Variants in MORN1 observed in about 807,000 individuals in gnomAD.
The protein encoded by MORN1 is MORN repeat-containing protein 1.
A neutral mutation model predicts 61.9 loss-of-function variants in MORN1; 67 were observed. That is an observed-to-expected ratio of 1.08 (90% confidence interval 0.89 to 1.33). The LOEUF (loss-of-function observed/expected upper bound fraction) is 1.33, where lower values mean the gene tolerates loss of function less well. Among genes scored for constraint, MORN1 ranks in the 40% most tolerant of loss-of-function variants. The pLI, the probability that MORN1 is intolerant of heterozygous loss-of-function variation, is 0.00. For missense variants in MORN1, 752 were observed against 691.2 expected (o/e 1.09, Z -0.99); for synonymous variants, 301 against 292.0 (o/e 1.03, Z -0.31).
At chr1:2,376,580 T>C (rs1025194870) in intron 6 of MORN1, 1 of 152,100 alleles carries the variant, frequency 6.6e-6, no homozygotes, top group African/African-American at 2.4e-5. Context: ...AATGCAGAGG[T>C]GCAGAGCCCG....
intron 8 of MORN1, among the ~76,000 whole-genome samples, chr1:2,367,183 C>T (rs1465737370): frequency 6.6e-6 from 1 of 151,148 alleles, no homozygotes; most frequent in East Asian, 1.9e-4. Context: ...ACCTTGATAG[C>T]AAAACTAGAC....
In MORN1 at chr1:2,379,718, C is replaced by T. The variant is rs186272821; in HGVS notation, c.538-5161G>A. On this transcript the variant is annotated intron_variant, in intron 6 of 13. Transcript: ENST00000378531. ...AGAGGGCTAAACTCATTAGGGTAAC[C>T]TTTTACAAAAATAACAGAAAATAAC... is the stretch of plus-strand genomic sequence containing the variant. Among the ~76,000 whole-genome samples, 452 of 152,292 alleles carry T rather than the reference C, an allele frequency of 3.0e-3. 1 individual carries two copies. The highest frequency in any genetic ancestry group is 5.9e-3 in the Admixed American group (91 of 15,298).
In MORN1 at chr1:2,331,823, G is replaced by T. The variant is rs531822242; in HGVS notation, c.1250+4646C>A. Reference sequence around the variant, plus strand: ...CTCCCGCGGCTGCGCCTCTCCCGCCGCTGCGCCTCTCCCTCGTGCGGCTCT... The same window carrying T: ...CTCCCGCGGCTGCGCCTCTCCCGCCTCTGCGCCTCTCCCTCGTGCGGCTCT... On this transcript the variant is annotated intron_variant, in intron 12 of 13. Coordinates refer to ENST00000378531, the MANE Select transcript of MORN1 (RefSeq NM_024848.3). 2.3e-4 allele frequency among the ~76,000 whole-genome samples: 32 copies of T among 141,130 alleles called. 1 individual carries two copies. The highest frequency in any genetic ancestry group is 3.8e-4 in the Non-Finnish European group (25 of 65,040). The allele number at this position is 141,130 out of a possible 152,430, so 92.6% of individuals were successfully genotyped here.
At chr1:2,346,516 G>A (rs1176443983) in intron 10 of MORN1, among the ~76,000 whole-genome samples, 1 of 152,176 alleles carries the variant, frequency 6.6e-6, no homozygotes, top group African/African-American at 2.4e-5. Context: ...CTCCTGAGTA[G>A]CTGGGATTAC....
chr1:2,350,948 C>G (rs1641631349), intron 10 of MORN1: 1 of 152,420 alleles, frequency 6.6e-6, no homozygotes, highest in Non-Finnish European at 1.5e-5. Context: ...CTCCTCTCCC[C>G]AGGGCAGCCC....
intron 12 of MORN1, among the ~76,000 whole-genome samples, chr1:2,331,970 C>T (rs57622212): frequency 7.3e-6 from 1 of 137,048 alleles, no homozygotes; most frequent in Non-Finnish European, 1.6e-5. Context: ...CTCCCTCGTG[C>T]GCCTCTCCCG....
chr1:2,355,089 G>T, intron 10 of MORN1: 1 of 945,178 alleles, frequency 1.1e-6, no homozygotes, highest in Non-Finnish European at 1.3e-6. Context: ...CGGGGGGCCC[G>T]CGCGGGGTAG....
intron 10 of MORN1, among the ~76,000 whole-genome samples, chr1:2,345,981 A>ACAAAGCCACCAGGAACCTTCCT (rs1460303822): frequency 3.4e-5 from 5 of 147,050 alleles, no homozygotes; most frequent in African/African-American, 1.2e-4. Flanking sequence ...GAGACCTCAG[A>ACAAAGCCACCAGGAACCTTCCT]CAAAGCCACC....
intron 11 of MORN1, 35 bp from the exon 12 acceptor site, chr1:2,336,583 A>G (rs1285786504): frequency 1.9e-6 from 3 of 1,609,710 alleles, no homozygotes; most frequent in Non-Finnish European, 2.5e-6. Context: ...GGAGAAGGAA[A>G]GGCTCAGAAG....
At chr1:2,377,728 G>C (rs955220349) in intron 6 of MORN1, 1 of 152,392 alleles carries the variant, frequency 6.6e-6, no homozygotes, top group Non-Finnish European at 1.5e-5. Flanking sequence ...CTCCTGGGGG[G>C]GTCCTGGGTC....
intron 10 of MORN1, 59 bp from the exon 11 acceptor site, chr1:2,336,909 C>T (rs1487980940): frequency 9.6e-6 from 14 of 1,462,124 alleles, no homozygotes; most frequent in African/African-American, 1.4e-5. Flanking sequence ...ACGGAGGGAG[C>T]CCCACAGGGC....
At position 2,385,068 on chromosome 1, in the gene MORN1, G is replaced by A; in HGVS notation, c.450-3C>T. The stretch of plus-strand genomic sequence containing the variant: ...CGCCGTCGTACTTGTCACCGTTCCT[G>A]GGGGACACACGCACGGAGTCCACTC... On this transcript the variant is annotated splice_region_variant and splice_polypyrimidine_tract_variant and intron_variant, in intron 5 of 13. Coordinates refer to ENST00000378531, the MANE Select transcript of MORN1 (RefSeq NM_024848.3). The A allele has an allele frequency of 6.3e-7, 1 of 1,587,718 alleles. No homozygotes were observed. The highest frequency in any genetic ancestry group is 1.3e-5 in the African/African-American group (1 of 74,656).
At chr1:2,364,738 T>C (rs1278453489) in intron 8 of MORN1, among the ~76,000 whole-genome samples, 1 of 151,990 alleles carries the variant, frequency 6.6e-6, no homozygotes, top group Non-Finnish European at 1.5e-5. Flanking sequence ...AATTTTTGTA[T>C]AAGGTGTAAG....
At chr1:2,331,028 T>G (rs1039322064) in intron 12 of MORN1, among the ~76,000 whole-genome samples, 2 of 152,186 alleles carry the variant, frequency 1.3e-5, no homozygotes, top group African/African-American at 2.4e-5. Flanking sequence ...AGAGGCCCTC[T>G]CAGAAACGCG....
Position 2,388,523 on chromosome 1 carries a change from C to T in MORN1, c.149-186G>A, listed in dbSNP as rs532358590. The T allele has an allele frequency of 2.0e-4, 112 of 562,204 alleles. 5 individuals carry two copies. In the South Asian group the frequency reaches 2.2e-3, roughly 11 times the overall value. The allele number at this position is 562,204 out of a possible 1,614,324, so 34.8% of individuals were successfully genotyped here. A position where few individuals can be genotyped will look rare whatever the true frequency, so the allele number is the denominator to read the frequency against. ...GTTCTCAAAAATATCTGCCGAAACA[C>T]GCTTGAGCGGCCGGCGCCTTCAGCC... On this transcript the variant is annotated intron_variant, in intron 2 of 13. Transcript: ENST00000378531.
intron 3 of MORN1, chr1:2,387,882 C>A: frequency 2.4e-6 from 1 of 419,910 alleles, no homozygotes; most frequent in South Asian, 3.9e-5. Context: ...ACCCACCGAC[C>A]CCTCTGGCGT....
At chr1:2,368,051 C>T (rs952513699) in intron 8 of MORN1, among the ~76,000 whole-genome samples, 19 of 152,202 alleles carry the variant, frequency 1.2e-4, no homozygotes, top group Admixed American at 3.3e-4. Flanking sequence ...TGGGTTTCAT[C>T]GAAACTTAAA....
intron 10 of MORN1, chr1:2,355,075 GGCGCGGGGGGCCC>G (rs542612164): frequency 1.5e-5 from 12 of 816,434 alleles, no homozygotes; most frequent in South Asian, 1.0e-4. Flanking sequence ...CAGTGGGGCC[GGCGCGGGGGGCCC>G]GCGCGGGGTA....
intron 10 of MORN1, among the ~76,000 whole-genome samples, chr1:2,352,974 G>A (rs1641683768): frequency 6.6e-6 from 1 of 152,198 alleles, no homozygotes; most frequent in Non-Finnish European, 1.5e-5. Context: ...GAGACACCCT[G>A]CGTCCCATGG....
Sources: gnomAD v4.1 joint callset for allele counts (sites outside exome capture counted in the v4.1 genomes callset) on GRCh38, gnomAD v4.1.1 for gene constraint, MANE v1.5 for transcripts, NCBI Gene and HGNC (gene_info 2026-07-23, HGNC 2026-07-21) for gene names.